The following IL1A variants were observed in gnomAD, a reference collection of about 807,000 sequenced individuals.
IL1A encodes the protein interleukin-1 alpha.
A neutral mutation model predicts 22.2 loss-of-function variants in IL1A; 16 were observed. That is an observed-to-expected ratio of 0.72 (90% CI 0.49 to 1.09). The LOEUF (loss-of-function observed/expected upper bound fraction) is 1.09. IL1A is among the 50% of genes least tolerant of loss of function. The pLI is 0.00. For synonymous variants in IL1A, 113 were observed against 118.5 expected (o/e 0.95, Z 0.30); for missense variants, 317 against 321.8 (o/e 0.99, Z 0.11).
chr2:112,778,193 GGTGTGTGTGTGTGT>G (rs3074430), intron 5 of IL1A, 82 bp from the exon 6 acceptor site: 19 of 662,750 alleles, frequency 2.9e-5, no homozygotes, highest in Middle Eastern at 3.8e-4. Context: ...GTGTGTGCAT[GGTGTGTGTGTGTGT>G]GTGTGTGTGT....
In IL1A at chr2:112,778,196, GT is replaced by G. The variant is rs1681134272; in HGVS notation, c.491-86del. 199 of 303,866 alleles carry G rather than the reference GT, an allele frequency of 6.5e-4. No homozygotes were observed. In the South Asian group the frequency reaches 8.7e-3, roughly 13 times the overall value. The allele number at this position is 303,866 out of a possible 1,614,324, so 18.8% of individuals were successfully genotyped here. A position where few individuals can be genotyped will look rare whatever the true frequency, so the allele number is the denominator to read the frequency against. ...TTGATGTAGATTGTGTGTGCATGGT[GT>G]GTGTGTGTGTGTGTGTGTGTGTGTG... is the stretch of plus-strand genomic sequence containing the variant. On this transcript the variant is annotated intron_variant, in intron 5 of 6. Transcript: ENST00000263339.
At chr2:112,781,876 G>T (rs545422314) in intron 3 of IL1A, 50 bp from the exon 4 acceptor site, 1 of 1,350,440 alleles carries the variant, frequency 7.4e-7, no homozygotes, top group South Asian at 1.2e-5. Flanking sequence ...GTCAGGGAAT[G>T]AAAGTTCTTT....
Position 112,779,643 on chromosome 2 carries a change from GTGCTGA to G in IL1A, c.337_342del (p.Ser113_Ala114del). 3 of 1,609,790 alleles carry G rather than the reference GTGCTGA, an allele frequency of 1.9e-6. No homozygotes were observed. The highest frequency in any genetic ancestry group is 1.7e-6 in the Non-Finnish European group (2 of 1,176,434). The stretch of plus-strand genomic sequence containing the variant: ...TTCACATTGCTCAGGAAGCTAAAAG[GTGCTGA>G]CCTAGGCTTGATGATTTCTAAAACC... On this transcript the variant is annotated inframe_deletion, in exon 5 of 7. Transcript: ENST00000263339.
Position 112,779,642 on chromosome 2 carries a change from G to A in IL1A, c.344C>T (p.Pro115Leu). Reference sequence around the variant, plus strand: ...TTTCACATTGCTCAGGAAGCTAAAAGGTGCTGACCTAGGCTTGATGATTTC... The same window carrying A: ...TTTCACATTGCTCAGGAAGCTAAAAAGTGCTGACCTAGGCTTGATGATTTC... ...EEEIIKPRSA[P>L]FSFLSNVKYN... Residue 115 changes from proline (P) to leucine (L), a missense_variant, in exon 5 of 7, where the codon CCT becomes CTT. Pro to Leu is a moderately conservative substitution (Grantham distance 98). Transcript: ENST00000263339. The A allele has an allele frequency of 1.2e-6, 2 of 1,609,834 alleles. No individual in the cohort carries two copies. Among genetic ancestry groups the A allele is most frequent in the Non-Finnish European group, 1.7e-6 (2 of 1,176,450 alleles).
At chr2:112,779,792 A>G (rs181898774) in intron 4 of IL1A, 126 bp from the exon 5 acceptor site, 26 of 527,444 alleles carry the variant, frequency 4.9e-5, no homozygotes, top group Non-Finnish European at 3.0e-6. Context: ...CAGATGAGGA[A>G]GCAAAGAGAA....
At position 112,775,111 on chromosome 2, in the gene IL1A, G is replaced by T. The variant is rs1681077762; in HGVS notation, c.772C>A (p.Pro258Thr). The change falls in exon 7 of 7, where the codon CCA (proline) becomes ACA (threonine). Residue 258 changes from proline (P) to threonine (T), a missense_variant. Coordinates refer to ENST00000263339, the MANE Select transcript of IL1A (RefSeq NM_000575.5). ...ATCTGAAAGTCAGTGATAGAGGGTG[G>T]CCCCCCTGCCAAGCACACCCAGTAG... is the stretch of plus-strand genomic sequence containing the variant. ...QDYWVCLAGG[P>T]PSITDFQILE... 5 of 1,613,946 alleles carry T rather than the reference G, an allele frequency of 3.1e-6. No individual in the cohort carries two copies. Among genetic ancestry groups the T allele is most frequent in the Non-Finnish European group, 4.2e-6 (5 of 1,179,974 alleles).
At chr2:112,781,546 A>T in intron 4 of IL1A, 58 bp downstream of exon 4, 1 of 1,315,148 alleles carries the variant, frequency 7.6e-7, no homozygotes, top group Non-Finnish European at 1.1e-6. Context: ...CCTAAATTCT[A>T]CTGTCCCTAC....
chr2:112,782,344 T>C (rs1681224394), intron 3 of IL1A, among the ~76,000 whole-genome samples: 2 of 152,228 alleles, frequency 1.3e-5, no homozygotes, highest in Admixed American at 1.3e-4. Flanking sequence ...GTTTGGAGAC[T>C]TTCTCTAACC....
At chr2:112,775,334 C>T in intron 6 of IL1A, 67 bp from the exon 7 acceptor site, 2 of 1,302,314 alleles carry the variant, frequency 1.5e-6, no homozygotes, top group Non-Finnish European at 2.2e-6. Flanking sequence ...AGCTCAATCC[C>T]TTAGCATTTG....
At chr2:112,782,974 G>A (rs1681241046) in intron 2 of IL1A, among the ~76,000 whole-genome samples, 1 of 152,222 alleles carries the variant, frequency 6.6e-6, no homozygotes, top group African/African-American at 2.4e-5. Context: ...GACAGGCTTT[G>A]AGCTTTACCT....
At chr2:112,780,974 T>G (rs1208447596) in intron 4 of IL1A, among the ~76,000 whole-genome samples, 4 of 151,798 alleles carry the variant, frequency 2.6e-5, no homozygotes, top group African/African-American at 9.7e-5. Context: ...GAGCCGAGAT[T>G]GCGCCACTGC....
rs563801411 is a variant in IL1A, at chr2:112,775,133, G to A, written c.750C>T (p.Tyr250=). 5 of 1,614,200 alleles carry A rather than the reference G, an allele frequency of 3.1e-6. No individual in the cohort carries two copies. Among genetic ancestry groups the A allele is most frequent in the Admixed American group, 3.3e-5 (2 of 60,034 alleles). ...PNLFIATKQD[Y]WVCLAGGPPS... ...GTGGCCCCCCTGCCAAGCACACCCAGTAGTCTTGCTTTGTGGCAATAAACA... is the reference window on the plus strand; with the variant it reads ...GTGGCCCCCCTGCCAAGCACACCCAATAGTCTTGCTTTGTGGCAATAAACA... Residue 250 remains tyrosine (Y), a synonymous_variant, in exon 7 of 7, where the codon TAC becomes TAT. Coordinates refer to ENST00000263339, the MANE Select transcript of IL1A (RefSeq NM_000575.5).
At chr2:112,781,576 A>G (rs1166777066) in intron 4 of IL1A, 28 bp downstream of exon 4, 2 of 1,555,896 alleles carry the variant, frequency 1.3e-6, no homozygotes, top group Non-Finnish European at 8.9e-7. Context: ...ACTGTAAAAG[A>G]AAGATATTAT....
Position 112,782,782 on chromosome 2 carries a change from T to G in IL1A, c.48-18A>C, listed in dbSNP as rs56051655. ...CATTTTCACTGTCAAAATAAGATGATGAGAATGTAATTGTTGTTATTTCAG... is the reference window on the plus strand; with the variant it reads ...CATTTTCACTGTCAAAATAAGATGAGGAGAATGTAATTGTTGTTATTTCAG... On this transcript the variant is annotated intron_variant, in intron 2 of 6. Coordinates refer to ENST00000263339, the MANE Select transcript of IL1A (RefSeq NM_000575.5). 752 of 1,579,630 alleles carry G rather than the reference T, an allele frequency of 4.8e-4. 1 individual carries two copies. Among genetic ancestry groups the G allele is most frequent in the Non-Finnish European group, 5.2e-4 (598 of 1,148,806 alleles).
chr2:112,784,012 C>T (rs1371279997), intron 1 of IL1A, among the ~76,000 whole-genome samples: 1 of 152,080 alleles, frequency 6.6e-6, no homozygotes, highest in African/African-American at 2.4e-5. Flanking sequence ...CCTTATGTGC[C>T]CAACCTAATG....
intron 4 of IL1A, among the ~76,000 whole-genome samples, chr2:112,781,076 T>C (rs1681189857): frequency 1.3e-5 from 2 of 151,972 alleles, no homozygotes; most frequent in Non-Finnish European, 2.9e-5. Context: ...ATTTATTGGG[T>C]GCTTACTTTG....
At chr2:112,775,558 G>A (rs1002204797) in intron 6 of IL1A, among the ~76,000 whole-genome samples, 1 of 152,168 alleles carries the variant, frequency 6.6e-6, no homozygotes, top group Non-Finnish European at 1.5e-5. Context: ...ATCCAGGCAG[G>A]TAGGAGGGAA....
chr2:112,779,534 T>C lies in IL1A; in HGVS notation c.452A>G (p.Tyr151Cys), dbSNP rs767094001. Residue 151 changes from tyrosine (Y) to cysteine (C), a missense_variant, in exon 5 of 7, where the codon TAC becomes TGC. Coordinates refer to ENST00000263339, the MANE Select transcript of IL1A (RefSeq NM_000575.5). ...ATTATGTAATGCAGCAGCCGTGAGG[T>C]ACTGATCATTGGCTCGAATTATACT... Reference protein sequence around the residue: ...NQSIIRANDQYLTAAALHNLD... With the variant: ...NQSIIRANDQCLTAAALHNLD... 3.1e-6 allele frequency: 5 copies of C among 1,609,048 alleles called. No homozygotes were observed. Among genetic ancestry groups the C allele is most frequent in the Non-Finnish European group, 4.3e-6 (5 of 1,176,210 alleles).
At chr2:112,778,952 T>A (rs1303666199) in intron 5 of IL1A, among the ~76,000 whole-genome samples, 1 of 152,232 alleles carries the variant, frequency 6.6e-6, no homozygotes, top group Non-Finnish European at 1.5e-5. Context: ...ATGTCCGCCA[T>A]GAAAATTGGA....
Sources: allele counts gnomAD v4.1 joint callset (sites outside exome capture counted in the v4.1 genomes callset), GRCh38; gene constraint gnomAD v4.1.1; transcripts MANE v1.5; gene names NCBI Gene and HGNC (gene_info 2026-07-23, HGNC 2026-07-21).